PCDHGA10: variants seen among roughly 807,000 people sequenced by gnomAD.
PCDHGA10 encodes the protein protocadherin gamma-A10.
In PCDHGA10, 42 loss-of-function variants were observed where a neutral mutation model predicts 59.5. The observed-to-expected ratio is 0.71, with a 90% CI of 0.55 to 0.91. PCDHGA10 has a LOEUF of 0.91. PCDHGA10 is among the 40% of genes least tolerant of loss of function. The pLI, the probability that PCDHGA10 is intolerant of heterozygous loss-of-function variation, is 0.00. For missense variants in PCDHGA10, 1,111 were observed against 1,198.2 expected (o/e 0.93, Z 1.07); for synonymous variants, 511 against 517.2 (o/e 0.99, Z 0.16).
intron 1 of PCDHGA10, chr5:141,421,852 C>T: frequency 6.2e-7 from 1 of 1,613,770 alleles, no homozygotes; most frequent in South Asian, 1.1e-5. Context: ...AGAGGCTGCT[C>T]ACCTGCTCCT....
In PCDHGA10 at chr5:141,431,930, C is replaced by A. The variant is rs761060241; in HGVS notation, c.2436+16319C>A. 236 of 1,613,932 alleles carry A rather than the reference C, an allele frequency of 1.5e-4. 1 individual carries two copies. The highest frequency in any genetic ancestry group is 1.4e-3 in the South Asian group (124 of 91,086). The stretch of plus-strand genomic sequence containing the variant: ...GATCTGTTTCATCCAAGGAAATCTG[C>A]CCTTTAAATTAGAAAAATCTTACGG... On this transcript the variant is annotated intron_variant, in intron 1 of 3. Transcript: ENST00000398610. This position sits in a 1 kb window ranked among gnomAD's most constrained non-coding sequence, Gnocchi z 4.8.
intron 1 of PCDHGA10, chr5:141,421,412 A>T (rs375885183): frequency 4.3e-6 from 7 of 1,613,962 alleles, no homozygotes; most frequent in Non-Finnish European, 5.9e-6. Context: ...GAGCTGGCGA[A>T]GCGCGGAGTC....
In PCDHGA10 at chr5:141,415,551, C is replaced by T. The variant is rs745641887; in HGVS notation, c.2376C>T (p.Asn792=). The T allele has an allele frequency of 6.2e-7, 1 of 1,614,132 alleles. No individual in the cohort carries two copies. Among genetic ancestry groups the T allele is most frequent in the South Asian group, 1.1e-5 (1 of 91,088 alleles). ...TLISQESCEK[N]DPLSLLDDSK... is the part of the protein sequence containing the mutation. ...TCAGCCAGGAGAGCTGTGAGAAAAA[C>T]GATCCTTTGTCTTTGTTAGATGATT... is the stretch of plus-strand genomic sequence containing the variant. The change falls in exon 1 of 4, where the codon AAC becomes AAT. Residue 792 remains asparagine, a synonymous_variant. Coordinates refer to ENST00000398610, the MANE Select transcript of PCDHGA10 (RefSeq NM_018913.3).
At position 141,415,531 on chromosome 5, in the gene PCDHGA10, C is replaced by G. The variant is rs777787905; in HGVS notation, c.2356C>G (p.Gln786Glu). The G allele has an allele frequency of 1.2e-6, 2 of 1,614,030 alleles. No homozygotes were observed. The highest frequency in any genetic ancestry group is 1.7e-6 in the Non-Finnish European group (2 of 1,180,044). Residue 786 changes from glutamine to glutamate, a missense_variant, in exon 1 of 4, where the codon CAG (glutamine) becomes GAG (glutamate). Transcript: ENST00000398610. ...CAATTATGCGGACACGCTCATCAGC[C>G]AGGAGAGCTGTGAGAAAAACGATCC... ...QPNYADTLIS[Q>E]ESCEKNDPLS... is the part of the protein sequence containing the mutation.
intron 1 of PCDHGA10, among the ~76,000 whole-genome samples, chr5:141,465,347 G>A (rs2099101721): frequency 6.6e-6 from 1 of 151,938 alleles, no homozygotes; most frequent in South Asian, 2.1e-4. Context: ...GGTTACTGAA[G>A]AAAAAATGGG....
intron 1 of PCDHGA10, among the ~76,000 whole-genome samples, chr5:141,433,697 CGTG>C (rs1176871032): frequency 6.6e-6 from 1 of 152,020 alleles, no homozygotes; most frequent in Non-Finnish European, 1.5e-5. Context: ...ATTAGCCGGG[CGTG>C]GTGGTGCATG....
Position 141,467,771 on chromosome 5 carries a change from A to G in PCDHGA10, c.2437-27036A>G, listed in dbSNP as rs542500016. Among the ~76,000 whole-genome samples, 11 of 151,422 alleles carry G rather than the reference A, an allele frequency of 7.3e-5. No individual in the cohort carries two copies. The South Asian group carries it at 2.3e-3, about 32-fold the overall frequency. On this transcript the variant is annotated intron_variant, in intron 1 of 3. Transcript: ENST00000398610. Reference sequence around the variant, plus strand: ...CCGCCTCACATGCTCAAGTGCCCGCACCTCAGCCTCTCAAGTAGCTGGGAC... The same window carrying G: ...CCGCCTCACATGCTCAAGTGCCCGCGCCTCAGCCTCTCAAGTAGCTGGGAC...
At chr5:141,444,288 C>T (rs2098430665) in intron 1 of PCDHGA10, among the ~76,000 whole-genome samples, 1 of 150,100 alleles carries the variant, frequency 6.7e-6, no homozygotes, top group South Asian at 2.1e-4. Flanking sequence ...TCTCCTGCCT[C>T]AGCCTCCCTA....
chr5:141,488,793 C>G (rs1274193018), intron 1 of PCDHGA10, among the ~76,000 whole-genome samples: 1 of 152,172 alleles, frequency 6.6e-6, no homozygotes, highest in African/African-American at 2.4e-5. Context: ...TTTGTCTTCC[C>G]TGTTGAGTAC....
intron 1 of PCDHGA10, chr5:141,430,857 A>G: frequency 1.3e-6 from 2 of 1,591,432 alleles, no homozygotes; most frequent in Non-Finnish European, 1.7e-6. Flanking sequence ...CAGATACGCT[A>G]TTCAGTTCCG....
chr5:141,422,616 C>T, intron 1 of PCDHGA10: 1 of 1,613,714 alleles, frequency 6.2e-7, no homozygotes. Flanking sequence ...CCTACATTCC[C>T]GAAAACAACC....
chr5:141,500,184 T>TTTTATTTA (rs58019021), intron 2 of PCDHGA10, among the ~76,000 whole-genome samples: 1,392 of 135,954 alleles, frequency 0.01, 12 homozygotes, highest in South Asian at 0.02. Flanking sequence ...TCATTTTTAT[T>TTTTATTTA]TTTATTTATT....
At chr5:141,422,597 C>T in intron 1 of PCDHGA10, 1 of 1,614,102 alleles carries the variant, frequency 6.2e-7, no homozygotes, top group Non-Finnish European at 8.5e-7. Context: ...CCTCACTCCT[C>T]TTACTCTGCC....
chr5:141,505,434 A>C lies in PCDHGA10; in HGVS notation c.2537A>C (p.Gln846Pro), dbSNP rs1417754900. 1 of 1,614,198 alleles carries C rather than the reference A, an allele frequency of 6.2e-7. No homozygotes were observed. The highest frequency in any genetic ancestry group is 1.7e-5 in the Admixed American group (1 of 60,032). The change falls in exon 3 of 4, where the codon CAG (glutamine) becomes CCG (proline). Residue 846 changes from glutamine (Q) to proline (P), a missense_variant. Gln to Pro is a moderately conservative substitution (Grantham distance 76). Coordinates refer to ENST00000398610, the MANE Select transcript of PCDHGA10 (RefSeq NM_018913.3). ...GACACCGGCACCTGGCCCAACAACCAGTTTGACACAGAGATGCTGCAAGCC... is the reference window on the plus strand; with the variant it reads ...GACACCGGCACCTGGCCCAACAACCCGTTTGACACAGAGATGCTGCAAGCC... ...GDDTGTWPNN[Q>P]FDTEMLQAMI...
chr5:141,510,894 A>G, intron 3 of PCDHGA10, 53 bp from the exon 4 acceptor site: 2 of 1,612,850 alleles, frequency 1.2e-6, no homozygotes, highest in Non-Finnish European at 8.5e-7. Flanking sequence ...TAAGACAGTG[A>G]CTGTTGAGGA....
At chr5:141,418,933 G>A in intron 1 of PCDHGA10, 2 of 1,614,010 alleles carry the variant, frequency 1.2e-6, no homozygotes, top group Non-Finnish European at 1.7e-6. Flanking sequence ...AGATTATGGA[G>A]GATTCCCCTC....
Position 141,431,534 on chromosome 5 carries a change from A to G in PCDHGA10, c.2436+15923A>G, listed in dbSNP as rs1331176313. Reference sequence around the variant, plus strand: ...CGTTCCGGAGAATCTGGCCTTGGGCACGCAGCTGCTTGTAGTCAACGCTAC... The same window carrying G: ...CGTTCCGGAGAATCTGGCCTTGGGCGCGCAGCTGCTTGTAGTCAACGCTAC... On this transcript the variant is annotated intron_variant, in intron 1 of 3. Coordinates refer to ENST00000398610, the MANE Select transcript of PCDHGA10 (RefSeq NM_018913.3). This position sits in a 1 kb window ranked among gnomAD's most constrained non-coding sequence, Gnocchi z 4.8. The G allele has an allele frequency of 1.2e-6, 2 of 1,614,110 alleles. No individual in the cohort carries two copies. The highest frequency in any genetic ancestry group is 8.5e-7 in the Non-Finnish European group (1 of 1,180,042).
chr5:141,487,275 G>T lies in PCDHGA10; in HGVS notation c.2437-7532G>T, dbSNP rs747253888. 2.5e-6 allele frequency: 4 copies of T among 1,614,158 alleles called. No homozygotes were observed. The highest frequency in any genetic ancestry group is 1.1e-5 in the South Asian group (1 of 91,074). On this transcript the variant is annotated intron_variant, in intron 1 of 3. Coordinates refer to ENST00000398610, the MANE Select transcript of PCDHGA10 (RefSeq NM_018913.3). The surrounding 1 kb of genome is among the most constrained non-coding windows in gnomAD (Gnocchi z 5.0). ...TTGGCTGTGTCCCTAGTGGCAATTT[G>T]CTTTGTCTCCTTTGGCTCATTCGTG...
chr5:141,466,746 T>C (rs1035272591), intron 1 of PCDHGA10, among the ~76,000 whole-genome samples: 1 of 152,224 alleles, frequency 6.6e-6, no homozygotes, highest in African/African-American at 2.4e-5. Context: ...GTTACTCTGA[T>C]AGGGGCTCTT....
Sources: allele counts gnomAD v4.1 joint callset (sites outside exome capture counted in the v4.1 genomes callset), GRCh38; gene constraint gnomAD v4.1.1; non-coding constraint Gnocchi (gnomAD v3.1); transcripts MANE v1.5; gene names NCBI Gene and HGNC (gene_info 2026-07-23, HGNC 2026-07-21).